The following CCDC33 variants were observed in gnomAD, a reference collection of about 807,000 sequenced individuals.
CCDC33 encodes the protein coiled-coil domain-containing protein 33.
In CCDC33, 94 loss-of-function variants were observed where a neutral mutation model predicts 91.9. The observed-to-expected ratio is 1.02, with a 90% CI of 0.87 to 1.21. The LOEUF (loss-of-function observed/expected upper bound fraction) is 1.21. CCDC33 is among the 50% of genes most tolerant of loss of function. CCDC33 has a pLI of 0.00. For synonymous variants in CCDC33, 396 were observed against 374.5 expected (o/e 1.06, Z -0.66); for missense variants, 940 against 935.5 (o/e 1.00, Z -0.06).
At chr15:74,292,715 T>C (rs2059607255) in intron 10 of CCDC33, among the ~76,000 whole-genome samples, 1 of 152,062 alleles carries the variant, frequency 6.6e-6, no homozygotes, top group Non-Finnish European at 1.5e-5. Context: ...GGAGCAGCCA[T>C]GGGAGCAGAT....
chr15:74,327,009 G>A (rs1238653435), intron 11 of CCDC33, among the ~76,000 whole-genome samples: 3 of 152,306 alleles, frequency 2.0e-5, no homozygotes, highest in South Asian at 2.1e-4. Context: ...GGTCACTGCT[G>A]TGCGGGTGGG....
Position 74,249,059 on chromosome 15 carries a change from G to A in CCDC33, c.185+4911G>A, listed in dbSNP as rs116844005. Among the ~76,000 whole-genome samples the A allele has an allele frequency of 1.6e-3, 242 of 152,182 alleles. 4 individuals are homozygous for A. In the East Asian group the frequency reaches 0.042, roughly 26 times the overall value. On this transcript the variant is annotated intron_variant, in intron 2 of 18. Transcript: ENST00000398814. The stretch of plus-strand genomic sequence containing the variant: ...CTTGGATAGCCAACGCCTGCTTGTC[G>A]GCAGCCCCCCACCCTCCCTGCTTAG...
At position 74,316,986 on chromosome 15, in the gene CCDC33, GAACT is replaced by G. The variant is rs2060099248; in HGVS notation, c.1291-13200_1291-13197del. Among the ~76,000 whole-genome samples, 1 of 152,144 alleles carries G rather than the reference GAACT, an allele frequency of 6.6e-6. No homozygotes were observed. Among genetic ancestry groups the G allele is most frequent in the Non-Finnish European group, 1.5e-5 (1 of 68,018 alleles). The stretch of plus-strand genomic sequence containing the variant: ...CACTTCACCAGGCCCACTCAAATAA[GAACT>G]AATAGGAGTATGGGGATTGTCTTGT... On this transcript the variant is annotated intron_variant, in intron 11 of 18. Transcript: ENST00000398814. This position sits in a 1 kb window ranked among gnomAD's most constrained non-coding sequence, Gnocchi z 4.7.
chr15:74,250,345 C>T (rs4887121), intron 2 of CCDC33, among the ~76,000 whole-genome samples: 6,503 of 152,250 alleles, frequency 0.043, 204 homozygotes, highest in Admixed American at 0.11. Flanking sequence ...TTTGCCGGCC[C>T]CTCCAGCTCC....
upstream of CCDC33, among the ~76,000 whole-genome samples, chr15:74,232,239 T>C (rs1269120750): frequency 6.6e-6 from 1 of 152,028 alleles, no homozygotes; most frequent in Non-Finnish European, 1.5e-5. Flanking sequence ...AGCAGGTATA[T>C]CAGCCAGGGT....
chr15:74,315,788 C>A (rs2060078022), intron 11 of CCDC33, among the ~76,000 whole-genome samples: 1 of 152,130 alleles, frequency 6.6e-6, no homozygotes, highest in Non-Finnish European at 1.5e-5. Flanking sequence ...GTTCTGAGGC[C>A]ACAGGAAGTG....
rs550291695 is a variant in CCDC33 at position 74,316,821 on chromosome 15, A to G, written c.1291-13368A>G. 1.5e-3 allele frequency among the ~76,000 whole-genome samples: 225 copies of G among 152,316 alleles called. 1 individual carries two copies. The highest frequency in any genetic ancestry group is 1.8e-3 in the Non-Finnish European group (125 of 68,022). ...ACGCTGCTCGGACGTGTACACTCGC[A>G]GCCTCATTTAATCCCCAACAGCGTT... On this transcript the variant is annotated intron_variant, in intron 11 of 18. Transcript: ENST00000398814. This position sits in a 1 kb window ranked among gnomAD's most constrained non-coding sequence, Gnocchi z 4.7.
intron 10 of CCDC33, among the ~76,000 whole-genome samples, chr15:74,284,984 G>A (rs1032421874): frequency 2.0e-5 from 3 of 152,254 alleles, no homozygotes; most frequent in African/African-American, 7.2e-5. Flanking sequence ...CCTGACACCT[G>A]GAGGTCTTAG....
At chr15:74,241,886 C>G (rs1432456312) in intron 1 of CCDC33, among the ~76,000 whole-genome samples, 1 of 152,172 alleles carries the variant, frequency 6.6e-6, no homozygotes, top group Non-Finnish European at 1.5e-5. Flanking sequence ...GCTTGAACAA[C>G]TAGAACAATG....
chr15:74,206,298 C>T (rs534559013), intron 1 of CCDC33, among the ~76,000 whole-genome samples: 37 of 152,124 alleles, frequency 2.4e-4, no homozygotes, highest in Non-Finnish European at 4.3e-4. Flanking sequence ...AGCGGGTGGC[C>T]GCGTGGCTCA....
chr15:74,210,912 G>A (rs1485095463), intron 2 of CCDC33, among the ~76,000 whole-genome samples: 2 of 152,216 alleles, frequency 1.3e-5, no homozygotes, highest in East Asian at 1.9e-4. Flanking sequence ...ATCTCAGGCA[G>A]CCATCTTGGA....
chr15:74,305,554 A>T (rs1403153338), intron 11 of CCDC33, among the ~76,000 whole-genome samples: 1 of 152,214 alleles, frequency 6.6e-6, no homozygotes, highest in Non-Finnish European at 1.5e-5. Flanking sequence ...CCCAAGGATG[A>T]GCAGTGCTTC....
At position 74,264,415 on chromosome 15, in the gene CCDC33, T is replaced by C. The variant is rs1238260001; in HGVS notation, c.319+1842T>C. Among the ~76,000 whole-genome samples the C allele has an allele frequency of 2.6e-5, 4 of 152,112 alleles. No homozygotes were observed. The South Asian group carries it at 6.2e-4, about 24-fold the overall frequency. The stretch of plus-strand genomic sequence containing the variant: ...AAGCTGATGAAGTGTGTTTGTAGCA[T>C]GGAGACAGGAGCAGGGAGGAGTGGC... On this transcript the variant is annotated intron_variant, in intron 3 of 18. Transcript: ENST00000398814.
In CCDC33 at chr15:74,293,684, CA is replaced by C. The variant is rs149213937; in HGVS notation, c.1096-2069del. The stretch of plus-strand genomic sequence containing the variant: ...GAGAGAGAGCCAGGCCTGATGCCCA[CA>C]GACAAAACAGGCCCAGGAGTCTTGG... On this transcript the variant is annotated intron_variant, in intron 10 of 18. Transcript: ENST00000398814. Among the ~76,000 whole-genome samples, 1,030 of 152,340 alleles carry C rather than the reference CA, an allele frequency of 6.8e-3. 15 individuals are homozygous for C. Among genetic ancestry groups the C allele is most frequent in the African/African-American group, 0.024 (984 of 41,556 alleles).
chr15:74,236,537 G>A lies in CCDC33; in HGVS notation c.-183G>A. 2.4e-6 allele frequency: 1 copy of A among 409,010 alleles called. No homozygotes were observed. The highest frequency in any genetic ancestry group is 4.4e-6 in the Non-Finnish European group (1 of 225,684). The allele number at this position is 409,010 out of a possible 1,614,324, so 25.3% of individuals were successfully genotyped here. On this transcript the variant is annotated 5_prime_UTR_variant, in exon 1 of 19. Coordinates refer to ENST00000398814, the MANE Select transcript of CCDC33 (RefSeq NM_025055.5). ...ACCCTCCCCCTCCCCCCACATCCAG[G>A]CCCCAGGGCTGGTGTGTGGCACCCC...
intron 1 of CCDC33, among the ~76,000 whole-genome samples, chr15:74,240,270 G>A (rs925619971): frequency 6.6e-6 from 1 of 152,254 alleles, no homozygotes; most frequent in Non-Finnish European, 1.5e-5. Context: ...AGGAGGAGCC[G>A]GTGTGACTCC....
intron 7 of CCDC33, among the ~76,000 whole-genome samples, chr15:74,274,774 G>A (rs1477025873): frequency 6.6e-6 from 1 of 152,252 alleles, no homozygotes; most frequent in Non-Finnish European, 1.5e-5. Flanking sequence ...TGCCTAACTA[G>A]TCTGGGTAGG....
At chr15:74,245,740 C>T (rs936907930) in intron 2 of CCDC33, among the ~76,000 whole-genome samples, 1 of 148,570 alleles carries the variant, frequency 6.7e-6, no homozygotes, top group Non-Finnish European at 1.5e-5. Context: ...GTGGCTGCGG[C>T]ACGTGGGGCG....
At chr15:74,214,913 A>G (rs557320792), upstream of CCDC33, among the ~76,000 whole-genome samples, 16 of 152,352 alleles carry the variant, frequency 1.1e-4, no homozygotes, top group African/African-American at 3.6e-4. Context: ...GCATTCATTC[A>G]TTTATTCATC....
Sources: gnomAD v4.1 joint callset for allele counts (sites outside exome capture counted in the v4.1 genomes callset) on GRCh38, gnomAD v4.1.1 for gene constraint, Gnocchi (gnomAD v3.1) non-coding constraint, MANE v1.5 for transcripts, NCBI Gene and HGNC (gene_info 2026-07-23, HGNC 2026-07-21) for gene names.